The following ANK3 variants were observed in gnomAD, a reference collection of about 807,000 sequenced individuals.
ANK3 encodes the protein ankyrin 3.
In ANK3, 57 loss-of-function variants were observed where a neutral mutation model predicts 370.9. The observed-to-expected ratio is 0.15, with a 90% confidence interval of 0.12 to 0.19. The LOEUF (loss-of-function observed/expected upper bound fraction) is 0.19. ANK3 is among the 10% of genes least tolerant of loss of function. The pLI, the probability that ANK3 is intolerant of heterozygous loss-of-function variation, is 1.00. For missense variants in ANK3, 4,439 were observed against 5,302.1 expected (o/e 0.84, Z 5.06); for synonymous variants, 1,929 against 1,946.3 (o/e 0.99, Z 0.23).
chr10:60,598,746 A>G (rs547211519), intron 2 of ANK3, among the ~76,000 whole-genome samples: 1 of 152,364 alleles, frequency 6.6e-6, no homozygotes, highest in East Asian at 1.9e-4. Flanking sequence ...CTGCTTTGCT[A>G]AATAGTAACA....
Position 60,076,348 on chromosome 10 carries a change from A to T in ANK3, c.4533T>A (p.Ile1511=), listed in dbSNP as rs1445731190. The T allele has an allele frequency of 6.2e-7, 1 of 1,613,964 alleles. No individual in the cohort carries two copies. Among genetic ancestry groups the T allele is most frequent in the African/African-American group, 1.3e-5 (1 of 74,930 alleles). The change falls in exon 37 of 44, where the codon ATT becomes ATA. Residue 1511 remains isoleucine (I), a synonymous_variant. Coordinates refer to ENST00000280772, the MANE Select transcript of ANK3 (RefSeq NM_020987.5). ...CTGACTTGGCTGGCCCAGGCACTGT[A>T]ATCGGAGCTGTTGTCCAGGACTGGT... The part of the protein sequence containing the change: ...RPYQSWTTAP[I]TVPGPAKSGF...
At chr10:60,674,114 TA>T (rs200845714) in intron 1 of ANK3, among the ~76,000 whole-genome samples, 2 of 151,210 alleles carry the variant, frequency 1.3e-5, no homozygotes, top group African/African-American at 2.4e-5. Context: ...GTTCTTGTAT[TA>T]AAAAAAAAGA....
chr10:60,290,263 T>TA (rs748242206), intron 1 of ANK3, among the ~76,000 whole-genome samples: 3 of 152,142 alleles, frequency 2.0e-5, no homozygotes, highest in Non-Finnish European at 4.4e-5. Flanking sequence ...TGTCAGCAAA[T>TA]GCATTATTTT....
At chr10:60,140,100 T>C in intron 23 of ANK3, 1 of 552,524 alleles carries the variant, frequency 1.8e-6, no homozygotes, top group Non-Finnish European at 3.2e-6. Context: ...CTGCATTCGG[T>C]ACTGTTTACA....
At chr10:60,647,178 C>T (rs1441730786) in intron 1 of ANK3, among the ~76,000 whole-genome samples, 1 of 152,136 alleles carries the variant, frequency 6.6e-6, no homozygotes, top group Non-Finnish European at 1.5e-5. Context: ...ACATGTTATG[C>T]CTAACCTTAA....
At chr10:60,148,592 C>G (rs1340834894) in intron 23 of ANK3, among the ~76,000 whole-genome samples, 1 of 152,198 alleles carries the variant, frequency 6.6e-6, no homozygotes, top group Non-Finnish European at 1.5e-5. Flanking sequence ...CTCCTTAACT[C>G]AGATACAGAA....
intron 2 of ANK3, among the ~76,000 whole-genome samples, chr10:60,566,588 T>C (rs1187414693): frequency 1.3e-5 from 2 of 152,216 alleles, no homozygotes; most frequent in Admixed American, 6.5e-5. Flanking sequence ...AACCAGCCAC[T>C]AGCCAGGCAT....
At chr10:60,728,457 C>T (rs1233697593) in intron 1 of ANK3, among the ~76,000 whole-genome samples, 1 of 148,908 alleles carries the variant, frequency 6.7e-6, no homozygotes, top group Non-Finnish European at 1.5e-5. Context: ...TGTAAAAGTT[C>T]CCAACATTTG....
chr10:60,382,706 T>C (rs1211609318), intron 1 of ANK3, among the ~76,000 whole-genome samples: 1 of 151,632 alleles, frequency 6.6e-6, no homozygotes, highest in Non-Finnish European at 1.5e-5. Flanking sequence ...AAATTGCTTG[T>C]TATTTCTTGA....
chr10:60,680,692 G>A (rs528677145), intron 1 of ANK3, among the ~76,000 whole-genome samples: 14 of 152,032 alleles, frequency 9.2e-5, no homozygotes, highest in African/African-American at 3.4e-4. Flanking sequence ...TCTTGATGGC[G>A]CCTCAAACTC....
chr10:60,467,264 C>T (rs75020387), intron 2 of ANK3, among the ~76,000 whole-genome samples: 12,833 of 152,172 alleles, frequency 0.084, 650 homozygotes, highest in South Asian at 0.17. Context: ...GAGAAAAGAG[C>T]AAACTCAAAC....
At chr10:60,492,123 A>G (rs1050835648) in intron 2 of ANK3, among the ~76,000 whole-genome samples, 5 of 152,186 alleles carry the variant, frequency 3.3e-5, no homozygotes, top group Non-Finnish European at 5.9e-5. Context: ...CCTAGGAGTA[A>G]TAAACCACAC....
chr10:60,425,204 T>C (rs540213452), intron 2 of ANK3, among the ~76,000 whole-genome samples: 64 of 152,114 alleles, frequency 4.2e-4, no homozygotes, highest in Non-Finnish European at 7.9e-4. Context: ...CGTGGGCAAG[T>C]GAGGGAGCTG....
intron 1 of ANK3, among the ~76,000 whole-genome samples, chr10:60,307,894 T>C (rs2045501036): frequency 6.6e-6 from 1 of 152,254 alleles, no homozygotes; most frequent in South Asian, 2.1e-4. Context: ...ATTTGCTCTG[T>C]TCAATATTCA....
chr10:60,568,009 A>G (rs1426664665), intron 2 of ANK3, among the ~76,000 whole-genome samples: 2 of 152,214 alleles, frequency 1.3e-5, no homozygotes, highest in African/African-American at 4.8e-5. Flanking sequence ...TGGATGATCA[A>G]AGAAAGTGGT....
intron 1 of ANK3, among the ~76,000 whole-genome samples, chr10:60,343,655 A>G (rs1408902602): frequency 6.6e-6 from 1 of 152,206 alleles, no homozygotes; most frequent in Non-Finnish European, 1.5e-5. Flanking sequence ...GAATGGAGAC[A>G]GATCTAGAGG....
At chr10:60,587,480 T>G (rs1194093459) in intron 2 of ANK3, among the ~76,000 whole-genome samples, 1 of 152,116 alleles carries the variant, frequency 6.6e-6, no homozygotes, top group Non-Finnish European at 1.5e-5. Context: ...AAATGGCTGA[T>G]TCAAGATCTG....
At chr10:60,659,218 C>T (rs2078905908) in intron 1 of ANK3, among the ~76,000 whole-genome samples, 1 of 152,096 alleles carries the variant, frequency 6.6e-6, no homozygotes, top group African/African-American at 2.4e-5. Context: ...ATTTTTCCAG[C>T]TCTGATTTCT....
chr10:60,383,946 T>C (rs1191077251), intron 1 of ANK3, among the ~76,000 whole-genome samples: 1 of 152,172 alleles, frequency 6.6e-6, no homozygotes, highest in African/African-American at 2.4e-5. Context: ...CCTTATATTG[T>C]GGCTGACCTT....
Sources: allele counts gnomAD v4.1 joint callset (sites outside exome capture counted in the v4.1 genomes callset), GRCh38; gene constraint gnomAD v4.1.1; transcripts MANE v1.5; gene names NCBI Gene and HGNC (gene_info 2026-07-23, HGNC 2026-07-21).